Variants in CSMD1 observed in about 807,000 individuals in gnomAD.
CSMD1 encodes the protein CUB and sushi domain-containing protein 1.
CSMD1 carries 213 observed loss-of-function variants against 417.5 expected under a neutral mutation model. That is an observed-to-expected ratio of 0.51 (90% CI 0.46 to 0.57). CSMD1 has a LOEUF of 0.57. CSMD1 is among the 20% of genes least tolerant of loss of function. The pLI, the probability that CSMD1 is intolerant of heterozygous loss-of-function variation, is 0.00. For missense variants in CSMD1, 6,923 were observed against 4,529.7 expected (o/e 1.53, Z -15.17); for synonymous variants, 2,862 against 1,736.8 (o/e 1.65, Z -16.11).
chr8:4,648,725 A>G (rs1803692709), intron 1 of CSMD1, among the ~76,000 whole-genome samples: 1 of 152,052 alleles, frequency 6.6e-6, no homozygotes, highest in African/African-American at 2.4e-5. Context: ...TGTCTTTGTG[A>G]ATTTAGGAAG....
At chr8:4,276,727 A>T (rs1336028914) in intron 3 of CSMD1, among the ~76,000 whole-genome samples, 1 of 152,228 alleles carries the variant, frequency 6.6e-6, no homozygotes, top group Non-Finnish European at 1.5e-5. Flanking sequence ...TAATAAATAA[A>T]AGGAAATGTA....
chr8:4,899,557 T>A (rs1035700743), intron 1 of CSMD1, among the ~76,000 whole-genome samples: 1 of 152,214 alleles, frequency 6.6e-6, no homozygotes, highest in African/African-American at 2.4e-5. Context: ...CTCTTTCTTG[T>A]CATGGTGATC....
chr8:4,604,971 A>T (rs1031751840), intron 2 of CSMD1, among the ~76,000 whole-genome samples: 2 of 152,210 alleles, frequency 1.3e-5, no homozygotes, highest in Admixed American at 1.3e-4. Flanking sequence ...GGTCTATGCC[A>T]GATACGAGTA....
intron 3 of CSMD1, among the ~76,000 whole-genome samples, chr8:4,038,643 C>CT (rs1404177763): frequency 1.3e-5 from 2 of 152,130 alleles, no homozygotes; most frequent in Non-Finnish European, 2.9e-5. Flanking sequence ...ATAAACTCTA[C>CT]TTTTAATTCT....
chr8:4,288,195 C>A (rs1797166429), intron 3 of CSMD1, among the ~76,000 whole-genome samples: 1 of 152,074 alleles, frequency 6.6e-6, no homozygotes, highest in Non-Finnish European at 1.5e-5. Context: ...TTTACTGGTA[C>A]TGCAGTGGAT....
intron 1 of CSMD1, among the ~76,000 whole-genome samples, chr8:4,800,559 A>G (rs1262198220): frequency 1.3e-5 from 2 of 152,228 alleles, no homozygotes; most frequent in Non-Finnish European, 2.9e-5. Flanking sequence ...GTTTTCTGAT[A>G]AAGACCTCAG....
chr8:2,936,266 G>A lies in CSMD1; in HGVS notation c.*2319C>T, dbSNP rs958712326. On this transcript the variant is annotated 3_prime_UTR_variant, in exon 70 of 70. Coordinates refer to ENST00000635120, the MANE Select transcript of CSMD1 (RefSeq NM_033225.6). Reference sequence around the variant, plus strand: ...TGTCATTTCAGGATTTCATAGCATCGTTGACCAGGGAGCAGGTCAGGGATA... The same window carrying A: ...TGTCATTTCAGGATTTCATAGCATCATTGACCAGGGAGCAGGTCAGGGATA... 2 of 151,966 alleles carry A rather than the reference G, an allele frequency of 1.3e-5. No individual in the cohort carries two copies. The highest frequency in any genetic ancestry group is 6.5e-5 in the Admixed American group (1 of 15,268). The allele number at this position is 151,966 out of a possible 1,614,324, so 9.4% of individuals were successfully genotyped here. A position where few individuals can be genotyped will look rare whatever the true frequency, so the allele number is the denominator to read the frequency against.
At chr8:3,949,164 A>C (rs1196614646) in intron 5 of CSMD1, among the ~76,000 whole-genome samples, 1 of 152,242 alleles carries the variant, frequency 6.6e-6, no homozygotes, top group Non-Finnish European at 1.5e-5. Flanking sequence ...TGAGCTAATT[A>C]ACATATGCAT....
intron 12 of CSMD1, among the ~76,000 whole-genome samples, chr8:3,455,670 G>A (rs896747665): frequency 6.6e-6 from 1 of 152,202 alleles, no homozygotes; most frequent in Non-Finnish European, 1.5e-5. Context: ...CCTTCCTCTG[G>A]AAATTTTGTC....
chr8:4,263,789 G>A (rs773276156), intron 3 of CSMD1, among the ~76,000 whole-genome samples: 53 of 152,242 alleles, frequency 3.5e-4, no homozygotes, highest in Non-Finnish European at 5.3e-4. Flanking sequence ...TACTCCAATT[G>A]TGACTGGCTC....
Position 3,973,776 on chromosome 8 carries a change from G to C in CSMD1, c.818+24127C>G, listed in dbSNP as rs368047484. Among the ~76,000 whole-genome samples the C allele has an allele frequency of 4.6e-5, 7 of 152,134 alleles. No homozygotes were observed. In the East Asian group the frequency reaches 1.2e-3, roughly 25 times the overall value. On this transcript the variant is annotated intron_variant, in intron 5 of 69. Coordinates refer to ENST00000635120, the MANE Select transcript of CSMD1 (RefSeq NM_033225.6). The stretch of plus-strand genomic sequence containing the variant: ...CAAACCAACCAGTGTTTCATTATTT[G>C]AGACACAGTATCTATTTCTCAGAAA...
At chr8:4,970,851 T>G (rs891482228) in intron 1 of CSMD1, among the ~76,000 whole-genome samples, 64 of 152,108 alleles carry the variant, frequency 4.2e-4, no homozygotes, top group African/African-American at 1.5e-3. Flanking sequence ...TATGGTAGAT[T>G]TTGAAAATTT....
At chr8:4,197,402 A>T (rs1563258196) in intron 3 of CSMD1, among the ~76,000 whole-genome samples, 1 of 152,196 alleles carries the variant, frequency 6.6e-6, no homozygotes. Context: ...TAAGATGAAC[A>T]TTTCATTTGG....
intron 5 of CSMD1, among the ~76,000 whole-genome samples, chr8:3,884,414 G>A (rs186613556): frequency 6.8e-6 from 1 of 147,216 alleles, no homozygotes; most frequent in South Asian, 2.1e-4. Context: ...CACAAATCTT[G>A]TTACAAGGGA....
intron 3 of CSMD1, among the ~76,000 whole-genome samples, chr8:4,242,676 C>T (rs148248542): frequency 1.3e-5 from 2 of 151,712 alleles, no homozygotes; most frequent in Non-Finnish European, 2.9e-5. Flanking sequence ...GTTCACAGAC[C>T]CCAATCCAGG....
chr8:4,750,430 T>C (rs549283503), intron 1 of CSMD1, among the ~76,000 whole-genome samples: 23 of 152,250 alleles, frequency 1.5e-4, no homozygotes, highest in Non-Finnish European at 3.2e-4. Context: ...TGCAATTAAA[T>C]GGTTTAGAAA....
intron 2 of CSMD1, among the ~76,000 whole-genome samples, chr8:4,472,495 T>C (rs1454091532): frequency 6.6e-6 from 1 of 152,132 alleles, no homozygotes; most frequent in Non-Finnish European, 1.5e-5. Flanking sequence ...GGGAACCTTA[T>C]TTATGCTTTG....
intron 10 of CSMD1, among the ~76,000 whole-genome samples, chr8:3,509,866 C>T (rs1211059242): frequency 6.6e-6 from 1 of 152,142 alleles, no homozygotes; most frequent in East Asian, 1.9e-4. Context: ...GGACCCAACT[C>T]TGTGGCCATG....
intron 37 of CSMD1, among the ~76,000 whole-genome samples, chr8:3,165,068 G>C (rs150014535): frequency 1.3e-5 from 2 of 151,642 alleles, no homozygotes; most frequent in African/African-American, 4.8e-5. Flanking sequence ...CATTTTGACC[G>C]GTGTTTAACA....
Sources: gnomAD v4.1 joint callset for allele counts (sites outside exome capture counted in the v4.1 genomes callset) on GRCh38, gnomAD v4.1.1 for gene constraint, MANE v1.5 for transcripts, NCBI Gene and HGNC (gene_info 2026-07-23, HGNC 2026-07-21) for gene names.